MRAP2: variants seen among roughly 807,000 people sequenced by gnomAD.
MRAP2 encodes the protein melanocortin 2 receptor accessory protein 2, also known as melanocortin-2 receptor accessory protein 2.
In MRAP2, 20 loss-of-function variants were observed where a neutral mutation model predicts 17.4. The observed-to-expected ratio is 1.15, with a 90% CI of 0.81 to 1.67. MRAP2 has a LOEUF of 1.67. Among genes scored for constraint, MRAP2 ranks in the 40% most tolerant of loss-of-function variants. The pLI, the probability that MRAP2 is intolerant of heterozygous loss-of-function variation, is 0.00. For synonymous variants in MRAP2, 96 were observed against 88.4 expected (o/e 1.09, Z -0.48); for missense variants, 238 against 240.0 (o/e 0.99, Z 0.05).
chr6:84,061,707 T>C, intron 2 of MRAP2: 1 of 899,112 alleles, frequency 1.1e-6, no homozygotes, highest in Non-Finnish European at 1.3e-6. Flanking sequence ...CTAAGGTAAA[T>C]ACAGGGACAC....
At chr6:84,076,593 C>CA (rs1452341130) in intron 3 of MRAP2, among the ~76,000 whole-genome samples, 2 of 152,230 alleles carry the variant, frequency 1.3e-5, no homozygotes, top group East Asian at 3.9e-4. Flanking sequence ...CTCCTGGCCT[C>CA]AAGTGATCCA....
intron 1 of MRAP2, among the ~76,000 whole-genome samples, chr6:84,041,702 G>A (rs1393027424): frequency 4.6e-5 from 7 of 152,252 alleles, no homozygotes; most frequent in African/African-American, 1.7e-4. Flanking sequence ...TTTCAGACTT[G>A]CATGGGGCCT....
chr6:84,134,507 A>C, the MRAP2 span, among the ~76,000 whole-genome samples: 1 of 152,190 alleles, frequency 6.6e-6, no homozygotes. Flanking sequence ...TGGTGTGTGC[A>C]TTGCGAAGAC....
the MRAP2 span, among the ~76,000 whole-genome samples, chr6:84,107,092 T>G: frequency 6.6e-6 from 1 of 152,136 alleles, no homozygotes; most frequent in Non-Finnish European, 1.5e-5. Flanking sequence ...TCAAGCACCA[T>G]TGGATCTGCT....
intron 1 of MRAP2, among the ~76,000 whole-genome samples, chr6:84,050,305 G>A: frequency 6.6e-6 from 1 of 152,258 alleles, no homozygotes; most frequent in East Asian, 1.9e-4. Context: ...CCATGTTACT[G>A]TTTTTTTAAA....
the MRAP2 span, chr6:84,124,690 C>A: frequency 3.9e-6 from 1 of 256,528 alleles, no homozygotes; most frequent in South Asian, 4.4e-5. Context: ...TTCAATACAC[C>A]CATGTTACAA....
chr6:84,117,509 T>G, the MRAP2 span, among the ~76,000 whole-genome samples: 4 of 151,704 alleles, frequency 2.6e-5, no homozygotes, highest in African/African-American at 7.3e-5. Context: ...TTTTTTTGGT[T>G]GGTAAGCTAT....
the MRAP2 span, among the ~76,000 whole-genome samples, chr6:84,112,345 T>G: frequency 6.6e-6 from 1 of 152,158 alleles, no homozygotes. Context: ...ACTGTATGTG[T>G]ACAGGAAATT....
intron 1 of MRAP2, among the ~76,000 whole-genome samples, chr6:84,036,880 C>G (rs191842002): frequency 9.2e-5 from 14 of 152,242 alleles, no homozygotes; most frequent in Middle Eastern, 3.4e-3. Flanking sequence ...AATCCTCCAG[C>G]TAGACAAAAA....
the MRAP2 span, among the ~76,000 whole-genome samples, chr6:84,099,157 TGA>T: frequency 6.6e-6 from 1 of 150,678 alleles, no homozygotes; most frequent in Admixed American, 6.6e-5. Flanking sequence ...ATCTTTTTAA[TGA>T]GAGATCAAAA....
chr6:84,089,406 T>C lies in MRAP2; in HGVS notation c.543T>C (p.Asp181=). ...NTDQNYFGED[D]LLISEPPIVL... ...ACCAGAACTACTTTGGGGAGGATGA[T>C]CTTCTGATTTCTGAACCACCTATTG... Residue 181 remains aspartate, a synonymous_variant, in exon 4 of 4, where the codon GAT becomes GAC. Coordinates refer to ENST00000257776, the MANE Select transcript of MRAP2 (RefSeq NM_138409.4). The C allele has an allele frequency of 6.2e-7, 1 of 1,614,136 alleles. No homozygotes were observed. The highest frequency in any genetic ancestry group is 8.5e-7 in the Non-Finnish European group (1 of 1,180,026).
upstream of MRAP2, chr6:84,033,574 C>A: frequency 1.5e-6 from 1 of 657,728 alleles, no homozygotes; most frequent in Non-Finnish European, 1.9e-6. Context: ...AGGCTCTGAC[C>A]CGGACTCGGA....
intron 3 of MRAP2, among the ~76,000 whole-genome samples, chr6:84,080,226 C>T (rs573545067): frequency 2.0e-5 from 3 of 151,906 alleles, no homozygotes; most frequent in Admixed American, 1.3e-4. Flanking sequence ...TTAATAGAGA[C>T]GGGGTTTCAC....
At chr6:84,129,843 C>G in the MRAP2 span, among the ~76,000 whole-genome samples, 950 of 152,212 alleles carry the variant, frequency 6.2e-3, 4 homozygotes, top group African/African-American at 0.022. Context: ...ATGTGACTAC[C>G]CTTTATTTCT....
chr6:84,084,917 A>C (rs201676191), intron 3 of MRAP2, among the ~76,000 whole-genome samples: 3 of 96,284 alleles, frequency 3.1e-5, no homozygotes, highest in African/African-American at 1.1e-4. Context: ...TATTTTATTT[A>C]TTTATTTTAT....
intron 1 of MRAP2, among the ~76,000 whole-genome samples, chr6:84,046,156 A>G (rs1264049973): frequency 2.0e-5 from 3 of 152,158 alleles, no homozygotes; most frequent in Non-Finnish European, 4.4e-5. Context: ...TATCTTCTCT[A>G]CTTAGAGGGT....
chr6:84,050,718 G>A (rs2099490221), intron 1 of MRAP2, among the ~76,000 whole-genome samples: 1 of 152,220 alleles, frequency 6.6e-6, no homozygotes, highest in South Asian at 2.1e-4. Context: ...GATAAGAACA[G>A]GTAACTGAAA....
chr6:84,057,188 A>G (rs555899504), intron 2 of MRAP2, among the ~76,000 whole-genome samples: 2 of 152,340 alleles, frequency 1.3e-5, no homozygotes, highest in African/African-American at 2.4e-5. Context: ...GATCAAGTCA[A>G]CTGTTGAAAT....
At chr6:84,076,708 C>G (rs1050137565) in intron 3 of MRAP2, among the ~76,000 whole-genome samples, 1 of 152,164 alleles carries the variant, frequency 6.6e-6, no homozygotes, top group African/African-American at 2.4e-5. Context: ...CTGGAAATAT[C>G]AGGTGCCCAC....
Sources: gnomAD v4.1 joint callset for allele counts (sites outside exome capture counted in the v4.1 genomes callset) on GRCh38, gnomAD v4.1.1 for gene constraint, MANE v1.5 for transcripts, NCBI Gene and HGNC (gene_info 2026-07-23, HGNC 2026-07-21) for gene names.